GRID1: variants seen among roughly 807,000 people sequenced by gnomAD.
The protein encoded by GRID1 is glutamate receptor ionotropic, delta-1.
A neutral mutation model predicts 98.0 loss-of-function variants in GRID1; 28 were observed. That is an observed-to-expected ratio of 0.29 (90% confidence interval 0.21 to 0.39). The LOEUF is 0.39. GRID1 is among the 10% of genes least tolerant of loss of function. GRID1 has a pLI of 1.00. For synonymous variants in GRID1, 553 were observed against 538.5 expected, an observed-to-expected ratio of 1.03 and a Z score of -0.37; for missense variants, 1,111 against 1,340.5, an observed-to-expected ratio of 0.83 and a Z score of 2.67.
intron 3 of GRID1, among the ~76,000 whole-genome samples, chr10:86,194,912 G>C (rs1845851975): frequency 1.3e-5 from 2 of 151,982 alleles, no homozygotes; most frequent in African/African-American, 4.8e-5. Context: ...TTCCTGTCAG[G>C]GCAGGGACCA....
intron 4 of GRID1, among the ~76,000 whole-genome samples, chr10:86,055,059 G>A (rs1461990755): frequency 2.6e-5 from 4 of 152,172 alleles, no homozygotes; most frequent in Non-Finnish European, 5.9e-5. Flanking sequence ...AGCCACATGA[G>A]CCAAGGCCAC....
At chr10:85,927,027 C>A (rs1323390772) in intron 4 of GRID1, among the ~76,000 whole-genome samples, 1 of 152,200 alleles carries the variant, frequency 6.6e-6, no homozygotes. Context: ...TTAACTAAAT[C>A]ATCACCCACT....
intron 12 of GRID1, 172 bp from the exon 13 acceptor site, chr10:85,647,569 C>T (rs1843211747): frequency 3.3e-6 from 2 of 604,598 alleles, no homozygotes; most frequent in East Asian, 5.4e-5. Context: ...GTGGGACTTG[C>T]AGCGCCTCAT....
rs372205364 is a variant in GRID1 at position 86,226,006 on chromosome 10, G to A, written c.236-19358C>T. On this transcript the variant is annotated intron_variant, in intron 2 of 15. Transcript: ENST00000327946. Reference sequence around the variant, plus strand: ...TGGGGCTTTGGAATTCCACAGGCCCGATTCAATTAATAGTCACCTAATGAA... The same window carrying A: ...TGGGGCTTTGGAATTCCACAGGCCCAATTCAATTAATAGTCACCTAATGAA... Among the ~76,000 whole-genome samples, 194 of 152,178 alleles carry A rather than the reference G, an allele frequency of 1.3e-3. 1 individual carries two copies. The highest frequency in any genetic ancestry group is 4.5e-3 in the African/African-American group (188 of 41,506).
At chr10:85,736,059 A>G (rs146354470) in intron 8 of GRID1, among the ~76,000 whole-genome samples, 1 of 135,920 alleles carries the variant, frequency 7.4e-6, no homozygotes, top group African/African-American at 2.8e-5. Flanking sequence ...GGAAAGAAGG[A>G]AGGAGAGAGG....
intron 8 of GRID1, among the ~76,000 whole-genome samples, chr10:85,843,952 C>A (rs1330321573): frequency 6.6e-6 from 1 of 151,962 alleles, no homozygotes; most frequent in Non-Finnish European, 1.5e-5. Flanking sequence ...TCCCAGAAAA[C>A]CTGTACACAA....
intron 3 of GRID1, among the ~76,000 whole-genome samples, chr10:86,193,278 T>G (rs1402256932): frequency 1.1e-4 from 16 of 152,112 alleles, no homozygotes; most frequent in Admixed American, 1.0e-3. Flanking sequence ...CCTACCTTGT[T>G]GAGTTACTAT....
intron 3 of GRID1, among the ~76,000 whole-genome samples, chr10:86,171,314 A>G (rs1331885468): frequency 6.6e-6 from 1 of 152,216 alleles, no homozygotes; most frequent in Non-Finnish European, 1.5e-5. Flanking sequence ...GGGATTTGGT[A>G]TGCAAGCCTG....
chr10:85,665,485 T>G (rs1841009055), intron 12 of GRID1, among the ~76,000 whole-genome samples: 1 of 152,278 alleles, frequency 6.6e-6, no homozygotes, highest in South Asian at 2.1e-4. Flanking sequence ...GCACTTTACC[T>G]AAATCAAACA....
chr10:86,139,369 T>C (rs1006940276), intron 3 of GRID1, among the ~76,000 whole-genome samples: 5 of 152,138 alleles, frequency 3.3e-5, no homozygotes, highest in Non-Finnish European at 7.4e-5. Flanking sequence ...TTGCTGGCAG[T>C]CCCTGGCCCT....
intron 2 of GRID1, among the ~76,000 whole-genome samples, chr10:86,215,424 CAG>C (rs1471209221): frequency 5.3e-5 from 8 of 152,224 alleles, no homozygotes; most frequent in Non-Finnish European, 1.0e-4. Flanking sequence ...AGATTGGAAA[CAG>C]GGAACACTGG....
At chr10:85,899,902 A>G (rs777651367) in intron 5 of GRID1, among the ~76,000 whole-genome samples, 6 of 152,194 alleles carry the variant, frequency 3.9e-5, no homozygotes, top group South Asian at 4.1e-4. Context: ...CCTAGTTCCA[A>G]TCACTGGCAG....
intron 6 of GRID1, among the ~76,000 whole-genome samples, chr10:85,865,953 AT>A (rs2131789833): frequency 1.5e-5 from 1 of 67,502 alleles, no homozygotes; most frequent in African/African-American, 6.6e-5. Context: ...ACACATATAT[AT>A]GGAGAGAGAG....
At chr10:85,727,695 C>G (rs1841776530) in intron 10 of GRID1, among the ~76,000 whole-genome samples, 160 bp downstream of exon 10, 1 of 152,124 alleles carries the variant, frequency 6.6e-6, no homozygotes, top group African/African-American at 2.4e-5. Flanking sequence ...ATGGATGTAG[C>G]AGGGGATTTG....
At chr10:85,891,826 C>G (rs909087732) in intron 5 of GRID1, among the ~76,000 whole-genome samples, 1 of 151,986 alleles carries the variant, frequency 6.6e-6, no homozygotes, top group Non-Finnish European at 1.5e-5. Flanking sequence ...GGCATCTAAT[C>G]AAAAATTATC....
At chr10:85,943,045 T>C (rs1035511980) in intron 4 of GRID1, among the ~76,000 whole-genome samples, 1 of 152,218 alleles carries the variant, frequency 6.6e-6, no homozygotes, top group African/African-American at 2.4e-5. Context: ...TCTAATCATT[T>C]GTTTCAAAAA....
intron 2 of GRID1, among the ~76,000 whole-genome samples, chr10:86,307,743 C>A (rs1184403613): frequency 6.6e-6 from 1 of 152,154 alleles, no homozygotes; most frequent in African/African-American, 2.4e-5. Flanking sequence ...GTTCATTAGC[C>A]TGATTCTGGT....
At chr10:86,208,961 G>T (rs1846072053) in intron 2 of GRID1, among the ~76,000 whole-genome samples, 1 of 152,192 alleles carries the variant, frequency 6.6e-6, no homozygotes, top group Non-Finnish European at 1.5e-5. Flanking sequence ...TAGATGAGTG[G>T]TTATGAAAGT....
At chr10:86,004,089 T>C (rs181126998) in intron 4 of GRID1, among the ~76,000 whole-genome samples, 8 of 150,976 alleles carry the variant, frequency 5.3e-5, no homozygotes, top group Admixed American at 4.6e-4. Context: ...CTATTTACCC[T>C]CATTTCCCAA....
Sources: gnomAD v4.1 joint callset for allele counts (sites outside exome capture counted in the v4.1 genomes callset) on GRCh38, gnomAD v4.1.1 for gene constraint, MANE v1.5 for transcripts, NCBI Gene and HGNC (gene_info 2026-07-23, HGNC 2026-07-21) for gene names.